TRIM42: variants seen among roughly 807,000 people sequenced by gnomAD.
TRIM42 encodes the protein tripartite motif containing 42.
In TRIM42, 59 loss-of-function variants were observed where a neutral mutation model predicts 64.9. The observed-to-expected ratio is 0.91, with a 90% CI of 0.74 to 1.13. The LOEUF is 1.13. TRIM42 is among the 50% of genes most tolerant of loss of function. TRIM42 has a pLI of 0.00. For synonymous variants in TRIM42, 354 were observed against 346.3 expected (o/e 1.02, Z -0.25); for missense variants, 878 against 929.5 (o/e 0.94, Z 0.72).
intron 1 of TRIM42, among the ~76,000 whole-genome samples, chr3:140,679,944 AC>A (rs984750634): frequency 2.5e-4 from 36 of 141,444 alleles, no homozygotes; most frequent in African/African-American, 8.7e-4. Context: ...ATTAGAATCA[AC>A]CCCCCCACCC....
chr3:140,700,039 G>A (rs1441186622), intron 4 of TRIM42, among the ~76,000 whole-genome samples: 1 of 152,086 alleles, frequency 6.6e-6, no homozygotes, highest in African/African-American at 2.4e-5. Flanking sequence ...ATTCACCTCA[G>A]CAGAGCCCAT....
intron 4 of TRIM42, among the ~76,000 whole-genome samples, chr3:140,692,562 C>CACACACACACACACAG (rs375439126): frequency 0.02 from 2,233 of 114,068 alleles, 82 homozygotes; most frequent in Middle Eastern, 0.028. Context: ...CACACACACA[C>CACACACACACACACAG]AGAGAGAGAT....
At chr3:140,689,241 GT>G (rs1236798709) in intron 3 of TRIM42, among the ~76,000 whole-genome samples, 29 of 152,270 alleles carry the variant, frequency 1.9e-4, no homozygotes, top group African/African-American at 6.7e-4. Flanking sequence ...ACACGGAATT[GT>G]TTGTAGAACA....
intron 2 of TRIM42, among the ~76,000 whole-genome samples, chr3:140,686,948 A>T (rs972158242): frequency 1.3e-5 from 2 of 152,212 alleles, no homozygotes; most frequent in Non-Finnish European, 2.9e-5. Flanking sequence ...TTGAGCACAG[A>T]TGCCCTCTCA....
chr3:140,688,654 T>A (rs1321518644), intron 3 of TRIM42, 112 bp downstream of exon 3: 1 of 789,540 alleles, frequency 1.3e-6, no homozygotes, highest in South Asian at 1.9e-5. Flanking sequence ...ATCTGGTCAC[T>A]CATATCTGCT....
intron 2 of TRIM42, among the ~76,000 whole-genome samples, chr3:140,686,493 C>T (rs1011633926): frequency 6.6e-6 from 1 of 152,150 alleles, no homozygotes; most frequent in African/African-American, 2.4e-5. Context: ...TACATTTGCT[C>T]ACCTCTACAC....
chr3:140,688,577 A>C lies in TRIM42; in HGVS notation c.1860+35A>C, dbSNP rs1052795633. 3 of 1,544,544 alleles carry C rather than the reference A, an allele frequency of 1.9e-6. No homozygotes were observed. The African/African-American group carries it at 4.1e-5, about 21-fold the overall frequency. ...GTTCTGGGCCCAGTGGGGAAGTGGG[A>C]GGGTGTGGGGCACAGAGTAGAAGTG... On this transcript the variant is annotated intron_variant, in intron 3 of 4. Transcript: ENST00000286349.
rs1363921627 is a variant in TRIM42, at chr3:140,691,193, G to T, written c.2085+1G>T. The T allele has an allele frequency of 6.2e-7, 1 of 1,612,568 alleles. No homozygotes were observed. Among genetic ancestry groups the T allele is most frequent in the South Asian group, 1.1e-5 (1 of 91,048 alleles). ...TGGGCAATGGAGTGATATCTGCAAG[G>T]TATTGTGTGCGTTATTTCTCAGACA... On this transcript the variant is annotated splice_donor_variant, in intron 4 of 4. Coordinates refer to ENST00000286349, the MANE Select transcript of TRIM42 (RefSeq NM_152616.5). LOFTEE classifies it high-confidence loss of function.
intron 4 of TRIM42, among the ~76,000 whole-genome samples, chr3:140,699,543 T>C (rs1297086668): frequency 6.6e-6 from 1 of 152,146 alleles, no homozygotes; most frequent in African/African-American, 2.4e-5. Context: ...CCTTTTTTCA[T>C]AGACACACCT....
chr3:140,695,497 A>T (rs1295933518), intron 4 of TRIM42, among the ~76,000 whole-genome samples: 1 of 152,010 alleles, frequency 6.6e-6, no homozygotes, highest in Non-Finnish European at 1.5e-5. Flanking sequence ...AAATGCAGCA[A>T]CCCCTGTCCC....
At chr3:140,687,415 C>G (rs1988571977) in intron 2 of TRIM42, among the ~76,000 whole-genome samples, 1 of 152,200 alleles carries the variant, frequency 6.6e-6, no homozygotes. Flanking sequence ...CAACTGAAAT[C>G]TGGTAAAAAC....
intron 2 of TRIM42, among the ~76,000 whole-genome samples, chr3:140,686,648 C>A (rs1323652063): frequency 6.6e-6 from 1 of 152,080 alleles, no homozygotes; most frequent in Non-Finnish European, 1.5e-5. Context: ...ATGTTATGAA[C>A]CAAGTGCAAA....
chr3:140,684,571 A>T (rs1175311981), intron 2 of TRIM42, among the ~76,000 whole-genome samples: 2 of 152,224 alleles, frequency 1.3e-5, no homozygotes, highest in Non-Finnish European at 2.9e-5. Context: ...GGCTTTGCTA[A>T]TGACCACATC....
chr3:140,698,496 C>G (rs536168212), intron 4 of TRIM42, among the ~76,000 whole-genome samples: 5 of 152,010 alleles, frequency 3.3e-5, no homozygotes, highest in Non-Finnish European at 7.4e-5. Flanking sequence ...TTTAGGTGTT[C>G]TTTTCACACA....
chr3:140,699,595 T>C (rs1029060332), intron 4 of TRIM42, among the ~76,000 whole-genome samples: 8 of 152,226 alleles, frequency 5.3e-5, no homozygotes, highest in African/African-American at 1.7e-4. Flanking sequence ...ACAGTCTTTA[T>C]CTTTGAAGAT....
chr3:140,690,752 C>G (rs1323444562), intron 3 of TRIM42, among the ~76,000 whole-genome samples: 1 of 151,738 alleles, frequency 6.6e-6, no homozygotes, highest in African/African-American at 2.4e-5. Flanking sequence ...AGAACGGAAA[C>G]CTTCTGTTTG....
chr3:140,695,255 TA>T (rs904414502), intron 4 of TRIM42, among the ~76,000 whole-genome samples: 5 of 151,502 alleles, frequency 3.3e-5, no homozygotes, highest in Admixed American at 6.6e-5. Context: ...GTCAAAAAAA[TA>T]AAAAAAGACC....
chr3:140,682,663 G>T lies in TRIM42; in HGVS notation c.543G>T (p.Glu181Asp). The stretch of plus-strand genomic sequence containing the variant: ...TGCAGAAGCACGCCGAGGTCACCGA[G>T]AACTTCTTCATCCTCATCTGCCCAG... ...RQLQKHAEVT[E>D]NFFILICPVC... Residue 181 changes from glutamate (E) to aspartate (D), a missense_variant, in exon 2 of 5, where the codon GAG becomes GAT. Coordinates refer to ENST00000286349, the MANE Select transcript of TRIM42 (RefSeq NM_152616.5). 6.2e-7 allele frequency: 1 copy of T among 1,613,316 alleles called. No homozygotes were observed.
Position 140,687,775 on chromosome 3 carries a change from T to C in TRIM42, c.1093T>C (p.Phe365Leu). 6.2e-7 allele frequency: 1 copy of C among 1,614,086 alleles called. No homozygotes were observed. Among genetic ancestry groups the C allele is most frequent in the South Asian group, 1.1e-5 (1 of 91,062 alleles). Residue 365 changes from phenylalanine to leucine, a missense_variant, in exon 3 of 5, where the codon TTT (phenylalanine) becomes CTT (leucine). Coordinates refer to ENST00000286349, the MANE Select transcript of TRIM42 (RefSeq NM_152616.5). ...LMEFNILKNS[F>L]KADKEAKRKE... The stretch of plus-strand genomic sequence containing the variant: ...GGAATTCAACATCTTAAAAAACAGC[T>C]TTAAAGCTGACAAGGAGGCAAAGCG...
Sources: gnomAD v4.1 joint callset for allele counts (sites outside exome capture counted in the v4.1 genomes callset) on GRCh38, gnomAD v4.1.1 for gene constraint, MANE v1.5 for transcripts, NCBI Gene and HGNC (gene_info 2026-07-23, HGNC 2026-07-21) for gene names.